Variants in ADGB observed in about 807,000 individuals in gnomAD.
ADGB encodes the protein androglobin, also known as calpain-7-like protein.
Under a neutral mutation model 210.5 loss-of-function variants are expected in ADGB, and 172 were observed. That is an observed-to-expected ratio of 0.82 (90% CI 0.72 to 0.93). The LOEUF is 0.93. Among genes scored for constraint, ADGB ranks in the 40% least tolerant of loss-of-function variants. ADGB has a pLI of 0.00. For missense variants in ADGB, 2,025 were observed against 1,964.8 expected (o/e 1.03, Z -0.58); for synonymous variants, 658 against 662.7 (o/e 0.99, Z 0.11).
At chr6:146,628,753 G>GT (rs1781017732) in intron 1 of ADGB, among the ~76,000 whole-genome samples, 1 of 151,756 alleles carries the variant, frequency 6.6e-6, no homozygotes, top group Admixed American at 6.6e-5. Flanking sequence ...GCTATTTTCC[G>GT]TAAGAAGTTT....
intron 20 of ADGB, among the ~76,000 whole-genome samples, chr6:146,729,098 G>C (rs1004961592): frequency 2.0e-5 from 3 of 152,130 alleles, no homozygotes; most frequent in African/African-American, 7.2e-5. Flanking sequence ...TGCTCTCAAG[G>C]GCTTTGACTT....
chr6:146,719,372 T>G (rs6900652), intron 16 of ADGB, among the ~76,000 whole-genome samples: 1 of 150,686 alleles, frequency 6.6e-6, no homozygotes, highest in African/African-American at 2.4e-5. Flanking sequence ...AAGCACAGAA[T>G]TTTTTTTCTT....
intron 2 of ADGB, among the ~76,000 whole-genome samples, chr6:146,642,052 T>G (rs1775524551): frequency 6.6e-6 from 1 of 151,882 alleles, no homozygotes. Flanking sequence ...TTAAACACAT[T>G]TACAAGAGAA....
intron 29 of ADGB, among the ~76,000 whole-genome samples, chr6:146,781,540 T>C (rs1402230469): frequency 6.6e-6 from 1 of 151,460 alleles, no homozygotes; most frequent in Non-Finnish European, 1.5e-5. Flanking sequence ...ATGCTTGTAT[T>C]ACAAAGACGT....
At chr6:146,763,754 A>C (rs761262566) in intron 27 of ADGB, 147 bp from the exon 28 acceptor site, 4 of 712,394 alleles carry the variant, frequency 5.6e-6, no homozygotes, top group Non-Finnish European at 9.0e-6. Flanking sequence ...TAAGAACAAT[A>C]AACCAAAAAC....
chr6:146,616,484 TA>T (rs1247419759), intron 1 of ADGB, among the ~76,000 whole-genome samples: 1 of 151,972 alleles, frequency 6.6e-6, no homozygotes, highest in Non-Finnish European at 1.5e-5. Flanking sequence ...AGTCTTATTT[TA>T]AAAATATATA....
intron 1 of ADGB, among the ~76,000 whole-genome samples, chr6:146,616,423 C>A: frequency 6.6e-6 from 1 of 151,866 alleles, no homozygotes. Context: ...AGCTTTTTAT[C>A]TTGATATAAT....
chr6:146,625,287 A>G (rs1780956330), intron 1 of ADGB, among the ~76,000 whole-genome samples: 1 of 152,208 alleles, frequency 6.6e-6, no homozygotes, highest in South Asian at 2.1e-4. Context: ...ATATGCACCC[A>G]GTGAATTTTC....
At chr6:146,809,315 T>G (rs1469743730) in intron 35 of ADGB, among the ~76,000 whole-genome samples, 2 of 152,196 alleles carry the variant, frequency 1.3e-5, no homozygotes, top group Non-Finnish European at 2.9e-5. Flanking sequence ...CAAGTGATTC[T>G]CTTGCCTCAG....
At chr6:146,765,460 G>A (rs1777558491) in intron 28 of ADGB, among the ~76,000 whole-genome samples, 1 of 151,658 alleles carries the variant, frequency 6.6e-6, no homozygotes, top group Admixed American at 6.6e-5. Flanking sequence ...AAAATATCAT[G>A]TAATAGACAA....
At chr6:146,662,238 T>C (rs557203217) in intron 5 of ADGB, among the ~76,000 whole-genome samples, 1 of 152,254 alleles carries the variant, frequency 6.6e-6, no homozygotes, top group South Asian at 2.1e-4. Flanking sequence ...ACTCTCTCTT[T>C]CTCTTCTTTT....
At chr6:146,759,799 A>G (rs550428748) in intron 27 of ADGB, among the ~76,000 whole-genome samples, 6 of 151,892 alleles carry the variant, frequency 4.0e-5, no homozygotes, top group Admixed American at 3.9e-4. Context: ...TGACAGAGTT[A>G]TATTTCTTGA....
At chr6:146,727,511 G>A (rs945423384) in intron 19 of ADGB, among the ~76,000 whole-genome samples, 4 of 152,022 alleles carry the variant, frequency 2.6e-5, no homozygotes, top group Admixed American at 1.3e-4. Flanking sequence ...TGCTTTATAT[G>A]GTATACATTG....
chr6:146,636,893 C>T (rs771031802), intron 2 of ADGB, among the ~76,000 whole-genome samples: 16 of 151,930 alleles, frequency 1.1e-4, no homozygotes, highest in Non-Finnish European at 1.9e-4. Flanking sequence ...TGCAGAAGGC[C>T]GCTTCCCTAG....
Position 146,736,376 on chromosome 6 carries a change from T to C in ADGB, c.2795-122T>C. ...CTGAGTTTTCTGCTAATGAAGCCTA[T>C]GACTTTGAATACCATCTTACTTGTG... is the stretch of plus-strand genomic sequence containing the variant. On this transcript the variant is annotated intron_variant, in intron 22 of 35. Coordinates refer to ENST00000397944, the MANE Select transcript of ADGB (RefSeq NM_024694.4). 6.4e-6 allele frequency: 4 copies of C among 620,904 alleles called. No homozygotes were observed. The East Asian group carries it at 1.2e-4, about 18-fold the overall frequency. The allele number at this position is 620,904 out of a possible 1,614,324, so 38.5% of individuals were successfully genotyped here.
Position 146,647,212 on chromosome 6 carries a change from G to A in ADGB, c.330+2347G>A, listed in dbSNP as rs529602459. On this transcript the variant is annotated intron_variant, in intron 3 of 35. Transcript: ENST00000397944. The stretch of plus-strand genomic sequence containing the variant: ...AAAGACTTTAAAGGCAATATATAAG[G>A]TTACATGGATGTAAAAACCTTAACT... Among the ~76,000 whole-genome samples the A allele has an allele frequency of 2.4e-3, 371 of 151,684 alleles. 2 individuals carry two copies. The highest frequency in any genetic ancestry group is 0.015 in the South Asian group (72 of 4,818).
At chr6:146,737,709 G>C (rs929547781) in intron 23 of ADGB, among the ~76,000 whole-genome samples, 1 of 152,102 alleles carries the variant, frequency 6.6e-6, no homozygotes, top group East Asian at 1.9e-4. Context: ...GAGATCTCTA[G>C]GTCAGATCCT....
At chr6:146,791,735 T>C (rs749361885) in intron 33 of ADGB, among the ~76,000 whole-genome samples, 1 of 151,946 alleles carries the variant, frequency 6.6e-6, no homozygotes, top group Non-Finnish European at 1.5e-5. Context: ...CCTTTCCCAT[T>C]GTGTGTTCTG....
intron 3 of ADGB, among the ~76,000 whole-genome samples, chr6:146,646,257 T>C (rs1775609475): frequency 6.6e-6 from 1 of 152,076 alleles, no homozygotes; most frequent in Non-Finnish European, 1.5e-5. Flanking sequence ...AGGTTTTATT[T>C]TGGCTCATAT....
Sources: gnomAD v4.1 joint callset for allele counts (sites outside exome capture counted in the v4.1 genomes callset) on GRCh38, gnomAD v4.1.1 for gene constraint, MANE v1.5 for transcripts, NCBI Gene and HGNC (gene_info 2026-07-23, HGNC 2026-07-21) for gene names.